Variants in SEMA7A observed in about 807,000 individuals in gnomAD.
The protein encoded by SEMA7A is semaphorin-7A.
SEMA7A carries 21 observed loss-of-function variants against 67.5 expected under a neutral mutation model. That is an observed-to-expected ratio of 0.31 (90% CI 0.22 to 0.45). SEMA7A has a LOEUF of 0.45. Among genes scored for constraint, SEMA7A ranks in the 20% least tolerant of loss-of-function variants. SEMA7A has a pLI of 1.00. For missense variants in SEMA7A, 774 were observed against 908.6 expected (o/e 0.85, Z 1.90); for synonymous variants, 364 against 368.5 (o/e 0.99, Z 0.14).
Position 74,411,721 on chromosome 15 carries a change from A to G in SEMA7A, c.1423-11T>C. 1 of 1,612,500 alleles carries G rather than the reference A, an allele frequency of 6.2e-7. No individual in the cohort carries two copies. Among genetic ancestry groups the G allele is most frequent in the Non-Finnish European group, 8.5e-7 (1 of 1,179,940 alleles). ...CACATACAGCTTCCTCTGGAAGGAC[A>G]GCAGGATTGGGTCAGGCCCGGGCCC... On this transcript the variant is annotated splice_polypyrimidine_tract_variant and intron_variant, in intron 11 of 13. Transcript: ENST00000261918. This position sits in a 1 kb window ranked among gnomAD's most constrained non-coding sequence, Gnocchi z 4.4.
chr15:74,430,830 G>T (rs1281223537), intron 1 of SEMA7A, among the ~76,000 whole-genome samples: 1 of 152,334 alleles, frequency 6.6e-6, no homozygotes, highest in Middle Eastern at 3.4e-3. Flanking sequence ...ATCCCCTGGA[G>T]GAGGTAACAA....
intron 1 of SEMA7A, among the ~76,000 whole-genome samples, chr15:74,425,584 G>C (rs1166415386): frequency 2.0e-5 from 3 of 152,202 alleles, no homozygotes; most frequent in Admixed American, 1.3e-4. Context: ...ACCTCTGCCC[G>C]TAACACCCTG....
chr15:74,420,328 G>C (rs927173631), intron 1 of SEMA7A, among the ~76,000 whole-genome samples: 2 of 152,222 alleles, frequency 1.3e-5, no homozygotes, highest in Non-Finnish European at 2.9e-5. Context: ...GCACTGTGCA[G>C]AGAAGAATGC....
chr15:74,418,532 TG>T lies in SEMA7A; in HGVS notation c.331-224del, dbSNP rs560288819. On this transcript the variant is annotated intron_variant, in intron 2 of 13. Coordinates refer to ENST00000261918, the MANE Select transcript of SEMA7A (RefSeq NM_003612.5). ...GGTTCAGAAGACCAGGCATGGGCTCTGGGGCCCAGCTTCCAGCCTGGGCTTT... is the reference window on the plus strand; with the variant it reads ...GGTTCAGAAGACCAGGCATGGGCTCTGGGCCCAGCTTCCAGCCTGGGCTTT... 3.3e-3 allele frequency among the ~76,000 whole-genome samples: 502 copies of T among 152,358 alleles called. 1 individual carries two copies. The highest frequency in any genetic ancestry group is 5.9e-3 in the Non-Finnish European group (399 of 68,030).
At chr15:74,432,095 G>A (rs1775486018) in intron 1 of SEMA7A, among the ~76,000 whole-genome samples, 1 of 148,800 alleles carries the variant, frequency 6.7e-6, no homozygotes, top group African/African-American at 2.5e-5. Context: ...ATTAAGTGGG[G>A]TGGGGGTGGG....
chr15:74,424,739 G>A (rs1368281915), intron 1 of SEMA7A, among the ~76,000 whole-genome samples: 3 of 152,210 alleles, frequency 2.0e-5, no homozygotes, highest in Non-Finnish European at 4.4e-5. Flanking sequence ...CTGGCACTGA[G>A]GCCCAGCTGG....
In SEMA7A at chr15:74,414,765, C is replaced by G. The variant is rs1328705304; in HGVS notation, c.1096-20G>C. Reference sequence around the variant, plus strand: ...GAGGCACTGGGCAAGGAGAGCAGGCCCAGGTCAGTGGGGTGGTGGGAGGTG... The same window carrying G: ...GAGGCACTGGGCAAGGAGAGCAGGCGCAGGTCAGTGGGGTGGTGGGAGGTG... On this transcript the variant is annotated intron_variant, in intron 9 of 13. Coordinates refer to ENST00000261918, the MANE Select transcript of SEMA7A (RefSeq NM_003612.5). This position sits in a 1 kb window ranked among gnomAD's most constrained non-coding sequence, Gnocchi z 4.1. The G allele has an allele frequency of 6.2e-7, 1 of 1,613,890 alleles. No homozygotes were observed. Among genetic ancestry groups the G allele is most frequent in the Non-Finnish European group, 8.5e-7 (1 of 1,180,010 alleles).
intron 1 of SEMA7A, among the ~76,000 whole-genome samples, chr15:74,425,790 T>G (rs926091513): frequency 6.6e-6 from 1 of 152,200 alleles, no homozygotes; most frequent in Non-Finnish European, 1.5e-5. Context: ...AATCCAGATA[T>G]CTACCGTAGA....
At position 74,414,278 on chromosome 15, in the gene SEMA7A, C is replaced by A. The variant is rs962881194; in HGVS notation, c.1294+269G>T. Among the ~76,000 whole-genome samples the A allele has an allele frequency of 6.6e-6, 1 of 152,178 alleles. No individual in the cohort carries two copies. The highest frequency in any genetic ancestry group is 1.5e-5 in the Non-Finnish European group (1 of 68,040). On this transcript the variant is annotated intron_variant, in intron 10 of 13. Transcript: ENST00000261918. This position sits in a 1 kb window ranked among gnomAD's most constrained non-coding sequence, Gnocchi z 4.1. ...TCAGACATCTGGACCAAAGGTGCAC[C>A]TGGCTTTGCTCAGACTCTCCAGATT...
rs2060943595 is a variant in SEMA7A, at chr15:74,415,852, G to C, written c.935C>G (p.Pro312Arg). The change falls in exon 8 of 14, where the codon CCC becomes CGC. Residue 312 changes from proline to arginine, a missense_variant. By Grantham distance (103) the Pro-to-Arg change is moderately radical (BLOSUM62 -2). Transcript: ENST00000261918. ...CCTGGTGTCCCTCCACTGGCCGCTG[G>C]GGTCAGGGAGCAGGAAGACGTCTTG... The part of the protein sequence containing the change: ...RLQDVFLLPD[P>R]SGQWRDTRVY... 1 of 1,613,954 alleles carries C rather than the reference G, an allele frequency of 6.2e-7. No individual in the cohort carries two copies. The highest frequency in any genetic ancestry group is 1.3e-5 in the African/African-American group (1 of 74,922).
In SEMA7A at chr15:74,410,383, C is replaced by T; in HGVS notation, c.*241G>A. 2 of 513,394 alleles carry T rather than the reference C, an allele frequency of 3.9e-6. No homozygotes were observed. The highest frequency in any genetic ancestry group is 5.0e-4 in the Middle Eastern group (1 of 2,012). 31.8% of individuals were successfully genotyped at this position (513,394 alleles called of 1,614,324 possible). On this transcript the variant is annotated 3_prime_UTR_variant, in exon 14 of 14. Coordinates refer to ENST00000261918, the MANE Select transcript of SEMA7A (RefSeq NM_003612.5). The surrounding 1 kb of genome is among the most constrained non-coding windows in gnomAD (Gnocchi z 7.5). ...TTTTCCAGAAGATAAAGTCTTGGGT[C>T]ATCGATGCCCCAGCTTCACAGTCGG...
intron 7 of SEMA7A, among the ~76,000 whole-genome samples, 199 bp from the exon 8 acceptor site, chr15:74,416,184 C>T (rs78087478): frequency 6.6e-6 from 1 of 152,106 alleles, no homozygotes; most frequent in African/African-American, 2.4e-5. Context: ...CCTGGCTGAT[C>T]CAGAGCCCAG....
chr15:74,416,759 C>T (rs1036285668), intron 6 of SEMA7A, 45 bp from the exon 7 acceptor site: 3 of 1,600,940 alleles, frequency 1.9e-6, no homozygotes, highest in Non-Finnish European at 2.6e-6. Flanking sequence ...GGAAGCTTGC[C>T]CGGGAGACCA....
At position 74,432,424 on chromosome 15, in the gene SEMA7A, T is replaced by C. The variant is rs140680898; in HGVS notation, c.178+1317A>G. Among the ~76,000 whole-genome samples, 384 of 152,136 alleles carry C rather than the reference T, an allele frequency of 2.5e-3. 1 individual carries two copies. Among genetic ancestry groups the C allele is most frequent in the African/African-American group, 8.9e-3 (371 of 41,498 alleles). On this transcript the variant is annotated intron_variant, in intron 1 of 13. Transcript: ENST00000261918. ...CCGAGCTGGTCCCCAGAGCACCTCATTCATGGTCCCTGAACCACCTAAATC... is the reference window on the plus strand; with the variant it reads ...CCGAGCTGGTCCCCAGAGCACCTCACTCATGGTCCCTGAACCACCTAAATC...
chr15:74,431,995 G>A (rs1446634375), intron 1 of SEMA7A, among the ~76,000 whole-genome samples: 3 of 151,022 alleles, frequency 2.0e-5, no homozygotes, highest in Non-Finnish European at 4.4e-5. Flanking sequence ...AAGTGGGTAA[G>A]AGGACTGAAA....
chr15:74,419,068 C>T (rs1291712994), intron 1 of SEMA7A, 116 bp from the exon 2 acceptor site: 7 of 1,222,386 alleles, frequency 5.7e-6, no homozygotes, highest in Admixed American at 2.2e-5. Context: ...CCTGGCAGGG[C>T]GTCAGACAAG....
At chr15:74,416,494 A>G in intron 7 of SEMA7A, 81 bp downstream of exon 7, 10 of 1,462,464 alleles carry the variant, frequency 6.8e-6, no homozygotes, top group Non-Finnish European at 6.6e-6. Context: ...TTCTACATGC[A>G]CACGGACACA....
Position 74,411,053 on chromosome 15 carries a change from C to G in SEMA7A, c.1640-68G>C. 6.5e-7 allele frequency: 1 copy of G among 1,544,734 alleles called. No homozygotes were observed. Among genetic ancestry groups the G allele is most frequent in the Non-Finnish European group, 8.7e-7 (1 of 1,147,524 alleles). On this transcript the variant is annotated intron_variant, in intron 13 of 13. Transcript: ENST00000261918. This position sits in a 1 kb window ranked among gnomAD's most constrained non-coding sequence, Gnocchi z 4.4. Reference sequence around the variant, plus strand: ...GCTCCCAGGGGAGGATGTGTCCTCCCCACGGACTGGGATCCCAGGACAAGG... The same window carrying G: ...GCTCCCAGGGGAGGATGTGTCCTCCGCACGGACTGGGATCCCAGGACAAGG...
Position 74,418,847 on chromosome 15 carries a change from A to C in SEMA7A, c.284T>G (p.Val95Gly). The change falls in exon 2 of 14, where the codon GTC becomes GGC. Residue 95 changes from valine (V) to glycine (G), a missense_variant. Val to Gly is a moderately radical substitution (Grantham distance 109). Around this residue, in one of 2 missense-constraint regions of SEMA7A, gnomAD observed 347 missense variants for 353.2 expected, o/e 0.98. Transcript: ENST00000261918. Reference sequence around the variant, plus strand: ...GCCCTCGGGGAAGTCAAAGAGGTAGACCTTGCCACGTCCTCCCACCCACAC... The same window carrying C: ...GCCCTCGGGGAAGTCAAAGAGGTAGCCCTTGCCACGTCCTCCCACCCACAC... The part of the protein sequence containing the change: ...SSVWVGGRGK[V>G]YLFDFPEGKN... 1 of 1,613,804 alleles carries C rather than the reference A, an allele frequency of 6.2e-7. No individual in the cohort carries two copies. Among genetic ancestry groups the C allele is most frequent in the Non-Finnish European group, 8.5e-7 (1 of 1,179,972 alleles).
Sources: allele counts gnomAD v4.1 joint callset (sites outside exome capture counted in the v4.1 genomes callset), GRCh38; gene constraint gnomAD v4.1.1; regional missense constraint gnomAD v4.1.1; non-coding constraint Gnocchi (gnomAD v3.1); transcripts MANE v1.5; gene names NCBI Gene and HGNC (gene_info 2026-07-23, HGNC 2026-07-21).